Variants in CCDC3 observed in about 807,000 individuals in gnomAD.
CCDC3 encodes the protein coiled-coil domain-containing protein 3.
CCDC3 carries 24 observed loss-of-function variants against 21.4 expected under a neutral mutation model. The ratio of observed to expected loss-of-function variants is 1.12; its 90% CI spans 0.81 to 1.58. The LOEUF (loss-of-function observed/expected upper bound fraction) is 1.58, where lower values mean the gene tolerates loss of function less well. CCDC3 is among the 40% of genes most tolerant of loss of function. The probability of loss-of-function intolerance (pLI) is 0.00; values close to 1 mark genes in which losing one functional copy is unlikely to be tolerated. For missense variants in CCDC3, 425 were observed against 360.9 expected, an observed-to-expected ratio of 1.18 and a Z score of -1.44; for synonymous variants, 186 against 166.0, an observed-to-expected ratio of 1.12 and a Z score of -0.93.
chr10:13,075,836 G>A (rs940243507), intron 3 of CCDC3, among the ~76,000 whole-genome samples: 1 of 152,082 alleles, frequency 6.6e-6, no homozygotes, highest in Admixed American at 6.6e-5. Flanking sequence ...ATCACTTGAG[G>A]TCAGGAGTTT....
intron 2 of CCDC3, among the ~76,000 whole-genome samples, chr10:12,920,132 T>C (rs567808247): frequency 2.0e-5 from 3 of 152,108 alleles, no homozygotes; most frequent in African/African-American, 4.8e-5. Flanking sequence ...TAATGGACTC[T>C]CAGTTCCATG....
At chr10:13,001,049 CAAG>C in intron 1 of CCDC3, 145 bp downstream of exon 1, 4 of 1,010,882 alleles carry the variant, frequency 4.0e-6, no homozygotes, top group South Asian at 3.4e-5. Context: ...AAGAAAGATC[CAAG>C]AAGGCAAGGG....
At chr10:13,032,740 A>G (rs1436705725) in intron 5 of CCDC3, among the ~76,000 whole-genome samples, 3 of 152,208 alleles carry the variant, frequency 2.0e-5, no homozygotes, top group Non-Finnish European at 4.4e-5. Context: ...TCCCATTCAC[A>G]ATTGCTTCAA....
At chr10:12,968,272 G>A (rs557260180) in intron 2 of CCDC3, among the ~76,000 whole-genome samples, 1 of 149,258 alleles carries the variant, frequency 6.7e-6, no homozygotes, top group East Asian at 2.0e-4. Flanking sequence ...AATATATAAA[G>A]AAGTTCCAAT....
chr10:12,938,935 T>C (rs1283782591), intron 2 of CCDC3, among the ~76,000 whole-genome samples: 1 of 152,218 alleles, frequency 6.6e-6, no homozygotes, highest in Non-Finnish European at 1.5e-5. Context: ...CCTTGCCTTC[T>C]TGTCTTTTAA....
At chr10:13,048,828 T>C (rs1437319788) in intron 5 of CCDC3, among the ~76,000 whole-genome samples, 1 of 152,168 alleles carries the variant, frequency 6.6e-6, no homozygotes, top group East Asian at 1.9e-4. Flanking sequence ...AAGGAGTGTG[T>C]GTAAGAGAGA....
intron 2 of CCDC3, among the ~76,000 whole-genome samples, chr10:12,943,175 G>T (rs547210563): frequency 5.3e-4 from 81 of 152,230 alleles, no homozygotes; most frequent in South Asian, 1.2e-3. Context: ...TACCTTCCAA[G>T]TTTATGTGTT....
intron 2 of CCDC3, among the ~76,000 whole-genome samples, chr10:12,903,260 C>G (rs1203144084): frequency 2.0e-5 from 3 of 152,140 alleles, no homozygotes; most frequent in Non-Finnish European, 4.4e-5. Flanking sequence ...CCGATGGAGC[C>G]CTCTGGCATC....
In CCDC3 at chr10:13,089,538, G is replaced by A. The variant is rs111753678; in HGVS notation, c.-503+8987C>T. On this transcript the variant is annotated intron_variant, in intron 3 of 6. Transcript: ENST00000378839. ...CTGATACTTTTCCTCACTTGACTTC[G>A]GGGACATTGCTCTCTCCTAGTTTCG... Among the ~76,000 whole-genome samples the A allele has an allele frequency of 7.2e-5, 11 of 152,016 alleles. 1 individual carries two copies. The highest frequency in any genetic ancestry group is 2.1e-4 in the South Asian group (1 of 4,792).
At chr10:12,982,144 A>T (rs2131272326) in intron 2 of CCDC3, among the ~76,000 whole-genome samples, 1 of 149,640 alleles carries the variant, frequency 6.7e-6, no homozygotes, top group East Asian at 2.0e-4. Flanking sequence ...AAAAAAAAAA[A>T]AAAAAAAGTG....
chr10:13,080,809 T>A (rs570158), intron 3 of CCDC3, among the ~76,000 whole-genome samples: 1 of 152,166 alleles, frequency 6.6e-6, no homozygotes, highest in Non-Finnish European at 1.5e-5. Flanking sequence ...GCCAGGCAGT[T>A]GTTAGACAGC....
In CCDC3 at chr10:12,979,097, G is replaced by A. The variant is rs1031146289; in HGVS notation, c.549+19241C>T. Among the ~76,000 whole-genome samples, 17 of 152,096 alleles carry A rather than the reference G, an allele frequency of 1.1e-4. 1 individual carries two copies. The highest frequency in any genetic ancestry group is 4.6e-4 in the Admixed American group (7 of 15,298). On this transcript the variant is annotated intron_variant, in intron 2 of 2. Coordinates refer to ENST00000378825, the MANE Select transcript of CCDC3 (RefSeq NM_031455.4). The stretch of plus-strand genomic sequence containing the variant: ...CAAATTGCTCACAAGGAAATTCCTC[G>A]TGAGCCCCTAACTCTTTCAGGATAC...
chr10:12,999,374 AAGGCCT>A (rs1835812323), intron 1 of CCDC3, among the ~76,000 whole-genome samples: 1 of 152,360 alleles, frequency 6.6e-6, no homozygotes, highest in South Asian at 2.1e-4. Context: ...AACACATTTA[AAGGCCT>A]AGCATTAATC....
chr10:13,002,801 G>A (rs1219239485), upstream of CCDC3, among the ~76,000 whole-genome samples: 1 of 152,218 alleles, frequency 6.6e-6, no homozygotes, highest in African/African-American at 2.4e-5. Flanking sequence ...GAGGCAGGAA[G>A]TCCAAGATTA....
chr10:13,030,021 C>T (rs906002512), intron 5 of CCDC3, among the ~76,000 whole-genome samples: 1 of 152,136 alleles, frequency 6.6e-6, no homozygotes, highest in Non-Finnish European at 1.5e-5. Flanking sequence ...AGAAGAGCAA[C>T]TCCAAGACAC....
intron 2 of CCDC3, among the ~76,000 whole-genome samples, chr10:12,901,692 C>G (rs1424481706): frequency 1.3e-5 from 2 of 152,208 alleles, no homozygotes; most frequent in Non-Finnish European, 2.9e-5. Flanking sequence ...GAACCATGCC[C>G]TCGTGCACAG....
At chr10:13,009,736 T>A (rs1835962989) in intron 5 of CCDC3, among the ~76,000 whole-genome samples, 1 of 152,200 alleles carries the variant, frequency 6.6e-6, no homozygotes, top group Non-Finnish European at 1.5e-5. Context: ...TTTCAGCCCA[T>A]ACCTATCACT....
intron 2 of CCDC3, among the ~76,000 whole-genome samples, chr10:12,987,721 T>C (rs1225279540): frequency 6.6e-6 from 1 of 152,196 alleles, no homozygotes; most frequent in Non-Finnish European, 1.5e-5. Flanking sequence ...AAGCATGACA[T>C]TGGCCAATAC....
At chr10:12,908,838 G>C (rs1371454554) in intron 2 of CCDC3, among the ~76,000 whole-genome samples, 4 of 152,098 alleles carry the variant, frequency 2.6e-5, no homozygotes, top group African/African-American at 9.7e-5. Flanking sequence ...TGGTCCATCC[G>C]CCTTGGCCTC....
Sources: gnomAD v4.1 joint callset for allele counts (sites outside exome capture counted in the v4.1 genomes callset) on GRCh38, gnomAD v4.1.1 for gene constraint, MANE v1.5 for transcripts, NCBI Gene and HGNC (gene_info 2026-07-23, HGNC 2026-07-21) for gene names.